The following GSE1 variants were observed in gnomAD, a reference collection of about 807,000 sequenced individuals.
GSE1 encodes Gse1 coiled-coil protein.
GSE1 carries 32 observed loss-of-function variants against 112.6 expected under a neutral mutation model. The ratio of observed to expected loss-of-function variants is 0.28; its 90% CI spans 0.21 to 0.38. GSE1 has a LOEUF of 0.38. Among genes scored for constraint, GSE1 ranks in the 10% least tolerant of loss-of-function variants. The pLI, the probability that GSE1 is intolerant of heterozygous loss-of-function variation, is 1.00. For missense variants in GSE1, 2,348 were observed against 1,699.2 expected (o/e 1.38, Z -6.71); for synonymous variants, 1,115 against 735.6 (o/e 1.52, Z -8.35).
intron 2 of GSE1, among the ~76,000 whole-genome samples, chr16:85,464,604 G>A (rs1243660541): frequency 1.3e-5 from 2 of 152,228 alleles, no homozygotes; most frequent in African/African-American, 4.8e-5. Flanking sequence ...CATGCCGGTT[G>A]CACAGGGTAC....
At chr16:85,361,239 TAGAC>T (rs750372306) in intron 2 of GSE1, among the ~76,000 whole-genome samples, 11 of 95,758 alleles carry the variant, frequency 1.1e-4, no homozygotes, top group Non-Finnish European at 1.8e-4. Flanking sequence ...GAGACACACA[TAGAC>T]AGGCACAGAC....
At chr16:85,652,294 C>T (rs986271324) in intron 3 of GSE1, among the ~76,000 whole-genome samples, 4 of 152,246 alleles carry the variant, frequency 2.6e-5, no homozygotes, top group Non-Finnish European at 5.9e-5. Context: ...GTCAGGTTGG[C>T]CCCTCGGCCA....
At chr16:85,648,487 C>G (rs1199497531) in intron 2 of GSE1, 65 bp from the exon 3 acceptor site, 4 of 816,652 alleles carry the variant, frequency 4.9e-6, no homozygotes, top group Non-Finnish European at 5.7e-6. Context: ...GCCCAGGTCC[C>G]CAGCTGGCAC....
At chr16:85,623,846 T>C (rs1008892315) in intron 1 of GSE1, among the ~76,000 whole-genome samples, 1 of 152,200 alleles carries the variant, frequency 6.6e-6, no homozygotes, top group Non-Finnish European at 1.5e-5. Context: ...CTGGCCCCTG[T>C]ATGATTGCTT....
At chr16:85,231,456 A>G (rs1048034726) in intron 1 of GSE1, among the ~76,000 whole-genome samples, 2 of 151,732 alleles carry the variant, frequency 1.3e-5, no homozygotes, top group African/African-American at 4.8e-5. Flanking sequence ...GGATGGAAGG[A>G]TGGATGGATG....
At chr16:85,521,134 T>C (rs1174215697) in intron 2 of GSE1, among the ~76,000 whole-genome samples, 1 of 151,974 alleles carries the variant, frequency 6.6e-6, no homozygotes, top group Non-Finnish European at 1.5e-5. Flanking sequence ...TCTTGACTAG[T>C]GCTGGGAGGC....
At chr16:85,513,001 T>A (rs565288111) in intron 2 of GSE1, among the ~76,000 whole-genome samples, 33 of 152,190 alleles carry the variant, frequency 2.2e-4, no homozygotes, top group African/African-American at 7.9e-4. Flanking sequence ...AGCTCTGGAA[T>A]CCCTGAAAAC....
intron 2 of GSE1, among the ~76,000 whole-genome samples, chr16:85,429,180 C>A (rs369371709): frequency 2.0e-5 from 3 of 152,214 alleles, no homozygotes; most frequent in African/African-American, 7.2e-5. Flanking sequence ...CAGCCCAGGG[C>A]ATGCACGCCT....
intron 2 of GSE1, among the ~76,000 whole-genome samples, chr16:85,461,920 C>T (rs1014269564): frequency 1.4e-4 from 21 of 152,326 alleles, no homozygotes; most frequent in African/African-American, 4.6e-4. Flanking sequence ...TGCTCTCCTC[C>T]CAGCCCATGG....
At chr16:85,472,199 C>T (rs977524909) in intron 2 of GSE1, among the ~76,000 whole-genome samples, 2 of 152,158 alleles carry the variant, frequency 1.3e-5, no homozygotes, top group Admixed American at 1.3e-4. Context: ...CCTGGGGCTG[C>T]CATGATAAAT....
At chr16:85,320,803 C>A (rs980907803) in intron 1 of GSE1, among the ~76,000 whole-genome samples, 7 of 152,198 alleles carry the variant, frequency 4.6e-5, no homozygotes, top group African/African-American at 1.4e-4. Context: ...TCTCCCCACT[C>A]TGCGTGGCTG....
At chr16:85,344,189 C>A (rs2151545717) in intron 1 of GSE1, among the ~76,000 whole-genome samples, 1 of 152,308 alleles carries the variant, frequency 6.6e-6, no homozygotes, top group South Asian at 2.1e-4. Context: ...GCGGCCAGCC[C>A]TGCCCGGCGG....
At chr16:85,443,294 C>T (rs1364499348) in intron 2 of GSE1, among the ~76,000 whole-genome samples, 2 of 152,224 alleles carry the variant, frequency 1.3e-5, no homozygotes, top group Non-Finnish European at 2.9e-5. Flanking sequence ...CCATCTCGCC[C>T]GTTTCTCCCT....
chr16:85,541,233 G>C (rs2044506858), intron 2 of GSE1, among the ~76,000 whole-genome samples: 1 of 152,228 alleles, frequency 6.6e-6, no homozygotes, highest in Admixed American at 6.5e-5. Flanking sequence ...TGACCACCTG[G>C]GGGTTCCCCG....
chr16:85,671,208 A>C (rs1479041532), intron 15 of GSE1, 110 bp downstream of exon 15: 1 of 603,184 alleles, frequency 1.7e-6, no homozygotes. Context: ...AAGAGATCAA[A>C]ATTTGGCGGA....
chr16:85,390,578 T>G (rs940417352), intron 2 of GSE1, among the ~76,000 whole-genome samples: 1 of 152,192 alleles, frequency 6.6e-6, no homozygotes, highest in African/African-American at 2.4e-5. Flanking sequence ...TGCTCATATT[T>G]CATCCTGGCT....
chr16:85,488,209 T>A (rs1048949805), intron 2 of GSE1, among the ~76,000 whole-genome samples: 28 of 152,170 alleles, frequency 1.8e-4, no homozygotes, highest in African/African-American at 6.8e-4. Context: ...CTGCCTCATC[T>A]TCTTCTTGGT....
chr16:85,306,643 G>T (rs1346021481), intron 1 of GSE1, among the ~76,000 whole-genome samples: 1 of 152,128 alleles, frequency 6.6e-6, no homozygotes, highest in African/African-American at 2.4e-5. Flanking sequence ...CATCCTCCTG[G>T]GTTCAAGCGA....
intron 2 of GSE1, among the ~76,000 whole-genome samples, chr16:85,535,280 AG>A (rs2044285863): frequency 6.6e-6 from 1 of 152,208 alleles, no homozygotes; most frequent in Non-Finnish European, 1.5e-5. Flanking sequence ...TCATACAACA[AG>A]GCATCCTTAC....
Sources: allele counts gnomAD v4.1 joint callset (sites outside exome capture counted in the v4.1 genomes callset), GRCh38; gene constraint gnomAD v4.1.1; transcripts MANE v1.5; gene names NCBI Gene and HGNC (gene_info 2026-07-23, HGNC 2026-07-21).